GAK: variants seen among roughly 807,000 people sequenced by gnomAD.
GAK encodes the protein cyclin-G-associated kinase.
GAK carries 79 observed loss-of-function variants against 143.9 expected under a neutral mutation model. The observed-to-expected ratio is 0.55, with a 90% CI of 0.46 to 0.66. The LOEUF is 0.66. Ranked by LOEUF, GAK falls within the 30% of genes least tolerant of loss-of-function variation. GAK has a pLI of 0.00. For synonymous variants in GAK, 881 were observed against 765.5 expected, an observed-to-expected ratio of 1.15 and a Z score of -2.49; for missense variants, 1,693 against 1,779.7, an observed-to-expected ratio of 0.95 and a Z score of 0.88.
intron 7 of GAK, 131 bp from the exon 8 acceptor site, chr4:894,140 G>A (rs2152863108): frequency 6.4e-6 from 7 of 1,096,614 alleles, no homozygotes; most frequent in South Asian, 1.8e-5. Flanking sequence ...CGTGGGGAGC[G>A]CAGGGGTGAC....
At chr4:849,825 C>CGGGGCCGGGGG in intron 27 of GAK, 51 bp from the exon 28 acceptor site, 4 of 1,229,764 alleles carry the variant, frequency 3.3e-6, no homozygotes, top group Non-Finnish European at 4.5e-6. Context: ...CGGGGGCGGG[C>CGGGGCCGGGGG]GGGGCAGGAC....
At chr4:928,121 A>C (rs1725143424) in intron 1 of GAK, among the ~76,000 whole-genome samples, 2 of 152,112 alleles carry the variant, frequency 1.3e-5, no homozygotes, top group South Asian at 2.1e-4. Flanking sequence ...GCAGTGGTGC[A>C]ATCTTAGCTC....
intron 7 of GAK, chr4:894,231 A>T: frequency 3.0e-6 from 1 of 331,542 alleles, no homozygotes; most frequent in Non-Finnish European, 5.1e-6. Context: ...CGGGAACAAC[A>T]GGGGTGACAC....
At chr4:905,120 C>T (rs1230604848) in intron 4 of GAK, among the ~76,000 whole-genome samples, 1 of 152,176 alleles carries the variant, frequency 6.6e-6, no homozygotes, top group Non-Finnish European at 1.5e-5. Context: ...ACTTCGTTTA[C>T]ATGAGGTGAG....
At chr4:928,032 AC>A (rs1725124645) in intron 1 of GAK, among the ~76,000 whole-genome samples, 1 of 152,244 alleles carries the variant, frequency 6.6e-6, no homozygotes, top group South Asian at 2.1e-4. Context: ...AGGGTCGGCT[AC>A]AAGGCTGGCT....
At position 868,570 on chromosome 4, in the gene GAK, G is replaced by A. The variant is rs765759074; in HGVS notation, c.2364C>T (p.Ala788=). 6.2e-7 allele frequency: 1 copy of A among 1,607,592 alleles called. No homozygotes were observed. The highest frequency in any genetic ancestry group is 8.5e-7 in the Non-Finnish European group (1 of 1,177,770). Residue 788 remains alanine, a synonymous_variant, in exon 20 of 28, where the codon GCC becomes GCT. Transcript: ENST00000314167. ...SDSPPSSSAD[A]SRFLHTLDWQ... is the part of the protein sequence containing the mutation. ...AGTCCAGCGTGTGCAGGAAGCGACT[G>A]GCGTCCGCGCTGCTGCTTGGCGGTG...
At chr4:905,574 T>G (rs1720930990) in intron 4 of GAK, among the ~76,000 whole-genome samples, 1 of 146,990 alleles carries the variant, frequency 6.8e-6, no homozygotes, top group Admixed American at 6.7e-5. Context: ...TGCTACGGAC[T>G]TCGCCACGCC....
At chr4:856,668 C>T (rs1214728950) in intron 24 of GAK, among the ~76,000 whole-genome samples, 1 of 152,070 alleles carries the variant, frequency 6.6e-6, no homozygotes, top group Non-Finnish European at 1.5e-5. Flanking sequence ...TAGCTCACCA[C>T]AGCTGCTCAC....
chr4:867,732 G>T lies in GAK; in HGVS notation c.2396-300C>A, dbSNP rs1449380937. Among the ~76,000 whole-genome samples the T allele has an allele frequency of 3.9e-5, 6 of 151,990 alleles. No individual in the cohort carries two copies. In the South Asian group the frequency reaches 1.2e-3, roughly 31 times the overall value. ...GCGCGTCCCCTCAGCCCAGGGCCTTGGCGAACCCACATGGCCAGCACCAAT... is the reference window on the plus strand; with the variant it reads ...GCGCGTCCCCTCAGCCCAGGGCCTTTGCGAACCCACATGGCCAGCACCAAT... On this transcript the variant is annotated intron_variant, in intron 20 of 27. Coordinates refer to ENST00000314167, the MANE Select transcript of GAK (RefSeq NM_005255.4).
rs576107498 is a variant in GAK, at chr4:874,138, C to T, written c.2054+2392G>A. Among the ~76,000 whole-genome samples, 12 of 150,888 alleles carry T rather than the reference C, an allele frequency of 8.0e-5. No homozygotes were observed. In the South Asian group the frequency reaches 8.3e-4, roughly 10 times the overall value. On this transcript the variant is annotated intron_variant, in intron 18 of 27. Coordinates refer to ENST00000314167, the MANE Select transcript of GAK (RefSeq NM_005255.4). ...CTCCTCGGCTGTGTGTGTGTGTGCG[C>T]GCTGGTGCTTGTGTGTGTGTACATG...
At chr4:899,424 C>A (rs1264745698) in intron 5 of GAK, among the ~76,000 whole-genome samples, 1 of 151,360 alleles carries the variant, frequency 6.6e-6, no homozygotes, top group East Asian at 1.9e-4. Context: ...AGTACGGGCT[C>A]CCACAGGCAG....
At chr4:867,498 GCGTCCCTT>G in intron 20 of GAK, 66 bp from the exon 21 acceptor site, 2 of 1,219,052 alleles carry the variant, frequency 1.6e-6, no homozygotes, top group South Asian at 3.1e-5. Context: ...TCCCCACGGC[GCGTCCCTT>G]CAGGGCCTCC....
In GAK at chr4:920,539, A is replaced by ATTTTTTTTTTTTTTTTTTTT. The variant is rs34176109; in HGVS notation, c.146-6891_146-6872dup. ...AAAATTGTGAAAAAGGTTTAGAGCC[A>ATTTTTTTTTTTTTTTTTTTT]TTTTTTTTTTTTTTTTTTTTTTGAG... On this transcript the variant is annotated intron_variant, in intron 1 of 27. Transcript: ENST00000314167. 6.9e-5 allele frequency among the ~76,000 whole-genome samples: 9 copies of ATTTTTTTTTTTTTTTTTTTT among 129,588 alleles called. 1 individual carries two copies. Among genetic ancestry groups the ATTTTTTTTTTTTTTTTTTTT allele is most frequent in the African/African-American group, 1.8e-4 (6 of 33,282 alleles). The allele number at this position is 129,588 out of a possible 152,430, so 85.0% of individuals were successfully genotyped here. A position where few individuals can be genotyped will look rare whatever the true frequency, so the allele number is the denominator to read the frequency against.
chr4:862,510 T>C (rs1167849113), intron 23 of GAK, among the ~76,000 whole-genome samples: 1 of 152,040 alleles, frequency 6.6e-6, no homozygotes, highest in Non-Finnish European at 1.5e-5. Flanking sequence ...TTCAAAAAAT[T>C]AGCCGGGCGT....
At chr4:861,348 T>G (rs936283110) in intron 23 of GAK, among the ~76,000 whole-genome samples, 9 of 152,126 alleles carry the variant, frequency 5.9e-5, no homozygotes, top group Non-Finnish European at 4.4e-5. Flanking sequence ...CCCAGCACAG[T>G]GGGCAGCTGA....
intron 1 of GAK, among the ~76,000 whole-genome samples, chr4:916,875 C>T (rs576488662): frequency 2.0e-5 from 3 of 152,256 alleles, no homozygotes; most frequent in East Asian, 1.9e-4. Context: ...GGCACATGTG[C>T]GTAAAGAGAC....
In GAK at chr4:896,454, C is replaced by G; in HGVS notation, c.741+6G>C. 1.2e-6 allele frequency: 2 copies of G among 1,613,060 alleles called. No homozygotes were observed. The highest frequency in any genetic ancestry group is 1.7e-6 in the Non-Finnish European group (2 of 1,179,240). On this transcript the variant is annotated splice_donor_region_variant and intron_variant, in intron 7 of 27. Transcript: ENST00000314167. Reference sequence around the variant, plus strand: ...GGCACTGCCACTGAGAGGCGCCAGACCTCACCCAGATATCCTGCTTCTCGC... The same window carrying G: ...GGCACTGCCACTGAGAGGCGCCAGAGCTCACCCAGATATCCTGCTTCTCGC...
At position 867,233 on chromosome 4, in the gene GAK, C is replaced by A; in HGVS notation, c.2595G>T (p.Val865=). The change falls in exon 21 of 28, where the codon GTG becomes GTT. Residue 865 remains valine, a synonymous_variant. Coordinates refer to ENST00000314167, the MANE Select transcript of GAK (RefSeq NM_005255.4). ...GCTCTGGCAGCACAGCCGGTGTCTC[C>A]ACCTCAAAAACCAAGTCCTGCTGCA... ...GLVQQDLVFE[V]ETPAVLPEPV... is the part of the protein sequence containing the mutation. 1 of 1,613,230 alleles carries A rather than the reference C, an allele frequency of 6.2e-7. No homozygotes were observed. The highest frequency in any genetic ancestry group is 1.3e-5 in the African/African-American group (1 of 75,040).
chr4:901,786 G>A (rs1000919520), intron 5 of GAK, among the ~76,000 whole-genome samples: 2 of 152,200 alleles, frequency 1.3e-5, no homozygotes, highest in African/African-American at 2.4e-5. Flanking sequence ...ACAGCACAGG[G>A]CATCCTCCAC....
Sources: allele counts gnomAD v4.1 joint callset (sites outside exome capture counted in the v4.1 genomes callset), GRCh38; gene constraint gnomAD v4.1.1; transcripts MANE v1.5; gene names NCBI Gene and HGNC (gene_info 2026-07-23, HGNC 2026-07-21).